The following TUT4 variants were observed in gnomAD, a reference collection of about 807,000 sequenced individuals.
TUT4 encodes terminal uridylyl transferase 4.
A neutral mutation model predicts 192.2 loss-of-function variants in TUT4; 36 were observed. The ratio of observed to expected loss-of-function variants is 0.19; its 90% CI spans 0.14 to 0.25. The LOEUF (loss-of-function observed/expected upper bound fraction) is 0.25, where lower values mean the gene tolerates loss of function less well. Ranked by LOEUF, TUT4 falls within the 10% of genes least tolerant of loss-of-function variation. The pLI is 1.00. For missense variants in TUT4, 1,493 were observed against 1,957.2 expected, an observed-to-expected ratio of 0.76 and a Z score of 4.47; for synonymous variants, 618 against 666.0, an observed-to-expected ratio of 0.93 and a Z score of 1.11.
At chr1:52,429,115 G>A (rs1418869146) in intron 28 of TUT4, among the ~76,000 whole-genome samples, 4 of 130,560 alleles carry the variant, frequency 3.1e-5, no homozygotes, top group African/African-American at 6.0e-5. Context: ...ATGGAGTCTC[G>A]CTCTGTCGCC....
At chr1:52,517,243 G>C (rs190665738) in intron 2 of TUT4, among the ~76,000 whole-genome samples, 1 of 152,044 alleles carries the variant, frequency 6.6e-6, no homozygotes, top group African/African-American at 2.4e-5. Context: ...ATTAGATGAC[G>C]GATTTCTTGA....
chr1:52,461,436 A>G (rs1662530776), intron 18 of TUT4, 77 bp downstream of exon 18: 2 of 1,394,084 alleles, frequency 1.4e-6, no homozygotes, highest in Admixed American at 2.1e-5. Flanking sequence ...CACATTTGAA[A>G]GTTTTAAACA....
chr1:52,503,959 T>C (rs142422303), intron 4 of TUT4, among the ~76,000 whole-genome samples: 93 of 152,354 alleles, frequency 6.1e-4, no homozygotes, highest in Admixed American at 1.9e-3. Context: ...TTACCAAACC[T>C]GAATCTCCAA....
Position 52,516,069 on chromosome 1 carries a change from A to C in TUT4, c.719-15T>G, listed in dbSNP as rs777934584. On this transcript the variant is annotated splice_polypyrimidine_tract_variant and intron_variant, in intron 2 of 29. Transcript: ENST00000257177. ...CTTCATTTTACCTAGAAAAGAAAGC[A>C]ATCACTCAGTTATCATCAGAACTGG... 3 of 1,608,724 alleles carry C rather than the reference A, an allele frequency of 1.9e-6. No homozygotes were observed. The highest frequency in any genetic ancestry group is 2.6e-6 in the Non-Finnish European group (3 of 1,176,144).
In TUT4 at chr1:52,466,678, A is replaced by ATTTT. The variant is rs1215504188; in HGVS notation, c.2965+1502_2965+1503insAAAA. Among the ~76,000 whole-genome samples, 1,093 of 136,166 alleles carry ATTTT rather than the reference A, an allele frequency of 8.0e-3. 22 individuals carry two copies. Among genetic ancestry groups the ATTTT allele is most frequent in the African/African-American group, 0.031 (1,005 of 32,316 alleles). The allele number at this position is 136,166 out of a possible 152,430, so 89.3% of individuals were successfully genotyped here. ...AAAAAAAATATATATATATATATAT[A>ATTTT]TATATTTTTGAGACAGAGTTTCGCT... is the stretch of plus-strand genomic sequence containing the variant. On this transcript the variant is annotated intron_variant, in intron 15 of 29. Transcript: ENST00000257177.
intron 9 of TUT4, 82 bp downstream of exon 9, chr1:52,488,827 T>C: frequency 7.1e-7 from 1 of 1,401,790 alleles, no homozygotes; most frequent in African/African-American, 1.5e-5. Flanking sequence ...TACATGTCAG[T>C]ACAAGAAAAG....
intron 13 of TUT4, 70 bp from the exon 14 acceptor site, chr1:52,472,172 C>T: frequency 7.2e-7 from 1 of 1,387,170 alleles, no homozygotes; most frequent in South Asian, 1.4e-5. Context: ...GAAGTGAATT[C>T]AAAACAAATC....
intron 16 of TUT4, chr1:52,462,809 C>CAG: frequency 1.0e-6 from 1 of 985,154 alleles, no homozygotes; most frequent in Non-Finnish European, 1.2e-6. Flanking sequence ...CCAGAGACAG[C>CAG]AGAGTTGGTA....
intron 2 of TUT4, among the ~76,000 whole-genome samples, chr1:52,518,029 AAAT>A (rs1260655656): frequency 2.8e-4 from 43 of 152,230 alleles, no homozygotes; most frequent in Admixed American, 1.3e-4. Context: ...ATATAAAACA[AAAT>A]AATACCAGGC....
chr1:52,520,122 A>G (rs770654331), intron 2 of TUT4, among the ~76,000 whole-genome samples: 1 of 152,208 alleles, frequency 6.6e-6, no homozygotes, highest in South Asian at 2.1e-4. Context: ...CCTCATATGG[A>G]TATCTATCTT....
At position 52,423,431 on chromosome 1, in the gene TUT4, C is replaced by A; in HGVS notation, c.*504G>T. ...TTGTAATTTTATTTTATTTTTTTAC[C>A]TTTTAAAAAGTTTTTGGCACTACAA... On this transcript the variant is annotated 3_prime_UTR_variant, in exon 30 of 30. Coordinates refer to ENST00000257177, the MANE Select transcript of TUT4 (RefSeq NM_001009881.3). 1 of 152,854 alleles carries A rather than the reference C, an allele frequency of 6.5e-6. No homozygotes were observed. The highest frequency in any genetic ancestry group is 1.5e-5 in the Non-Finnish European group (1 of 68,398). 9.5% of individuals were successfully genotyped at this position (152,854 alleles called of 1,614,324 possible).
In TUT4 at chr1:52,436,946, C is replaced by T. The variant is rs773604880; in HGVS notation, c.3971G>A (p.Ser1324Asn). Residue 1324 changes from serine to asparagine, a missense_variant, in exon 26 of 30, where the codon AGT becomes AAT. Transcript: ENST00000257177. ...SLLFRLKKKD[S>N]EEEKEGNEEE... ...TTCATTCCCTTCCTTCTCTTCTTCA[C>T]TGTCTTTCTTCTTTAGTCTAAACAG... 3.3e-5 allele frequency: 54 copies of T among 1,613,978 alleles called. No homozygotes were observed. In the African/African-American group the frequency reaches 6.7e-4, roughly 20 times the overall value.
intron 1 of TUT4, among the ~76,000 whole-genome samples, chr1:52,540,203 A>G (rs1273815223): frequency 7.0e-6 from 1 of 143,452 alleles, no homozygotes; most frequent in Non-Finnish European, 1.5e-5. Flanking sequence ...TGGGTGACAG[A>G]GCGAGACTCT....
Position 52,475,020 on chromosome 1 carries a change from A to C in TUT4, c.2539T>G (p.Ser847Ala). The change falls in exon 13 of 30, where the codon TCT becomes GCT. Residue 847 changes from serine (S) to alanine (A), a missense_variant. Physicochemically the swap from Ser to Ala is moderately conservative, Grantham distance 99 (BLOSUM62 1). Transcript: ENST00000257177. ...TTTGACCTGCAGTCTGTTCCAGTAG[A>C]TTTATCTGGGTCAGGCGACTTAGAC... The part of the protein sequence containing the change: ...DLSKSPDPDK[S>A]TGTDCRSNLE... The C allele has an allele frequency of 6.8e-6, 11 of 1,614,178 alleles. No homozygotes were observed. The highest frequency in any genetic ancestry group is 8.5e-6 in the Non-Finnish European group (10 of 1,180,020).
chr1:52,530,196 T>C (rs1682980146), intron 1 of TUT4, among the ~76,000 whole-genome samples: 1 of 148,652 alleles, frequency 6.7e-6, no homozygotes, highest in African/African-American at 2.5e-5. Context: ...TAATAGGAGG[T>C]TGCAGTGAGC....
At chr1:52,441,457 T>TC (rs1425617312) in intron 24 of TUT4, among the ~76,000 whole-genome samples, 1 of 148,470 alleles carries the variant, frequency 6.7e-6, no homozygotes, top group East Asian at 2.0e-4. Flanking sequence ...TTTTTTTTTT[T>TC]TTTTTTTTTG....
chr1:52,431,020 C>G lies in TUT4; in HGVS notation c.4704G>C (p.Gly1568=), dbSNP rs756652251. The G allele has an allele frequency of 1.3e-6, 2 of 1,568,088 alleles. No individual in the cohort carries two copies. The highest frequency in any genetic ancestry group is 1.7e-6 in the Non-Finnish European group (2 of 1,152,660). The part of the protein sequence containing the change: ...PNSLVNSGAV[G]NSEPGFRGLT... ...AAGAAAAGGAAAGGTTACCTGAATT[C>G]CCCACTGCACCACTGTTTACCAGGG... is the stretch of plus-strand genomic sequence containing the variant. Residue 1568 remains glycine (G), a synonymous_variant, in exon 28 of 30, where the codon GGG becomes GGC. Transcript: ENST00000257177.
chr1:52,442,161 C>T (rs1655805226), intron 24 of TUT4, among the ~76,000 whole-genome samples: 1 of 96,040 alleles, frequency 1.0e-5, no homozygotes, highest in South Asian at 3.2e-4. Flanking sequence ...GAGTGAGACT[C>T]CACCTCAAAA....
chr1:52,532,771 T>G (rs1299366654), intron 1 of TUT4, among the ~76,000 whole-genome samples: 1 of 152,196 alleles, frequency 6.6e-6, no homozygotes. Flanking sequence ...TATTCACAGT[T>G]AAGCCAACTA....
Sources: gnomAD v4.1 joint callset for allele counts (sites outside exome capture counted in the v4.1 genomes callset) on GRCh38, gnomAD v4.1.1 for gene constraint, MANE v1.5 for transcripts, NCBI Gene and HGNC (gene_info 2026-07-23, HGNC 2026-07-21) for gene names.